Variants in ATF6 observed in about 807,000 individuals in gnomAD.
The protein encoded by ATF6 is cyclic AMP-dependent transcription factor ATF-6 alpha.
ATF6 carries 53 observed loss-of-function variants against 83.6 expected under a neutral mutation model. That is an observed-to-expected ratio of 0.63 (90% CI 0.51 to 0.80). The LOEUF is 0.80. Ranked by LOEUF, ATF6 falls within the 30% of genes least tolerant of loss-of-function variation. ATF6 has a pLI of 0.00. For synonymous variants in ATF6, 288 were observed against 285.8 expected, an observed-to-expected ratio of 1.01 and a Z score of -0.08; for missense variants, 744 against 797.9, an observed-to-expected ratio of 0.93 and a Z score of 0.81.
At chr1:161,859,152 A>G (rs1686826404) in intron 12 of ATF6, among the ~76,000 whole-genome samples, 1 of 152,114 alleles carries the variant, frequency 6.6e-6, no homozygotes, top group Non-Finnish European at 1.5e-5. Flanking sequence ...TAAACAGAGC[A>G]TTTATTGAAC....
intron 15 of ATF6, among the ~76,000 whole-genome samples, chr1:161,917,013 C>A (rs1688114216): frequency 6.6e-6 from 1 of 152,198 alleles, no homozygotes; most frequent in African/African-American, 2.4e-5. Context: ...GTCAGCTTAT[C>A]CAGCTTCTCC....
At chr1:161,875,739 G>A (rs1298809160) in intron 14 of ATF6, among the ~76,000 whole-genome samples, 1 of 151,738 alleles carries the variant, frequency 6.6e-6, no homozygotes, top group Non-Finnish European at 1.5e-5. Context: ...GAAGAAAGTA[G>A]CTAGTGCAGC....
intron 15 of ATF6, among the ~76,000 whole-genome samples, chr1:161,921,982 T>C (rs913445742): frequency 4.5e-5 from 5 of 110,646 alleles, no homozygotes; most frequent in African/African-American, 1.4e-4. Context: ...CCCTCTTTCT[T>C]TGCTTGTTTT....
At chr1:161,806,834 C>T (rs910784286) in intron 7 of ATF6, among the ~76,000 whole-genome samples, 5 of 152,134 alleles carry the variant, frequency 3.3e-5, no homozygotes, top group Non-Finnish European at 5.9e-5. Flanking sequence ...ATTCTCCTGT[C>T]ATACCAAATT....
At chr1:161,873,782 G>C (rs1687160597) in intron 14 of ATF6, among the ~76,000 whole-genome samples, 5 of 151,450 alleles carry the variant, frequency 3.3e-5, no homozygotes, top group African/African-American at 9.7e-5. Flanking sequence ...TGTTTCCCCT[G>C]CTAGGAAGTA....
intron 14 of ATF6, among the ~76,000 whole-genome samples, chr1:161,868,354 C>T (rs954710718): frequency 1.3e-5 from 2 of 152,150 alleles, no homozygotes; most frequent in African/African-American, 2.4e-5. Flanking sequence ...CTGGGAGCTT[C>T]ATAAACTACT....
chr1:161,894,521 C>CTTTTTTTTTTTTTTTTTTTTTTTTT (rs71093131), intron 14 of ATF6, among the ~76,000 whole-genome samples: 1 of 44,850 alleles, frequency 2.2e-5, no homozygotes, highest in African/African-American at 6.6e-5. Flanking sequence ...GTTTTGTAGT[C>CTTTTTTTTTTTTTTTTTTTTTTTTT]TTTTTTTTTT....
chr1:161,958,665 C>T lies in ATF6; in HGVS notation c.*11C>T, dbSNP rs1220902717. On this transcript the variant is annotated 3_prime_UTR_variant, in exon 16 of 16. Coordinates refer to ENST00000367942, the MANE Select transcript of ATF6 (RefSeq NM_007348.4). ...GAGTCATTACAATAGCACCCTGCAG[C>T]TATGCTGGAAAACTGAGCGTGGGAC... 8.8e-6 allele frequency: 14 copies of T among 1,596,986 alleles called. No individual in the cohort carries two copies. The highest frequency in any genetic ancestry group is 1.1e-5 in the Non-Finnish European group (13 of 1,170,972).
rs146640460 is a variant in ATF6, at chr1:161,819,672, C to G, written c.949C>G (p.Arg317Gly). ...GAGACAGCAACGTATGATAAAAAAT[C>G]GAGAATCCGCTTGTCAGTCTCGCAA... ...LRRQQRMIKN[R>G]ESACQSRKKK... Residue 317 changes from arginine (R) to glycine (G), a missense_variant, in exon 8 of 16, where the codon CGA becomes GGA. Physicochemically the swap from Arg to Gly is moderately radical, Grantham distance 125. Transcript: ENST00000367942. 1 of 1,608,972 alleles carries G rather than the reference C, an allele frequency of 6.2e-7. No homozygotes were observed. The highest frequency in any genetic ancestry group is 8.5e-7 in the Non-Finnish European group (1 of 1,177,844).
At chr1:161,858,062 ACAT>A (rs1686801716) in intron 12 of ATF6, among the ~76,000 whole-genome samples, 1 of 152,172 alleles carries the variant, frequency 6.6e-6, no homozygotes, top group Admixed American at 6.6e-5. Context: ...AGCTGTGATC[ACAT>A]CATTGCTCTC....
chr1:161,810,877 T>C, intron 7 of ATF6, among the ~76,000 whole-genome samples: 1 of 152,230 alleles, frequency 6.6e-6, no homozygotes, highest in Middle Eastern at 3.2e-3. Context: ...CTTTTGTGTA[T>C]GGCGTCTTTC....
At chr1:161,801,971 C>A in intron 6 of ATF6, 81 bp from the exon 7 acceptor site, 1 of 1,328,188 alleles carries the variant, frequency 7.5e-7, no homozygotes, top group Non-Finnish European at 1.1e-6. Flanking sequence ...ATTACGTCTG[C>A]AGAAAAGACC....
chr1:161,792,984 G>T (rs1284063991), intron 6 of ATF6, among the ~76,000 whole-genome samples: 1 of 152,110 alleles, frequency 6.6e-6, no homozygotes, highest in African/African-American at 2.4e-5. Context: ...AGTCATCATT[G>T]TACTCATACT....
chr1:161,953,329 C>T (rs1295366710), intron 15 of ATF6, among the ~76,000 whole-genome samples: 1 of 152,144 alleles, frequency 6.6e-6, no homozygotes, highest in Non-Finnish European at 1.5e-5. Flanking sequence ...GACCCCTGCT[C>T]ACTAAATTTT....
rs758162509 is a variant in ATF6 at position 161,766,370 on chromosome 1, C to T, written c.10C>T (p.Pro4Ser). 1.2e-6 allele frequency: 2 copies of T among 1,612,416 alleles called. No individual in the cohort carries two copies. The highest frequency in any genetic ancestry group is 1.1e-5 in the South Asian group (1 of 90,718). Reference sequence around the variant, plus strand: ...AGAAGGAACTTGTGAAATGGGGGAGCCGGCTGGGGTTGCCGGCACCATGGA... The same window carrying T: ...AGAAGGAACTTGTGAAATGGGGGAGTCGGCTGGGGTTGCCGGCACCATGGA... The part of the protein sequence containing the change: MGE[P>S]AGVAGTMESP... Residue 4 changes from proline to serine, a missense_variant, in exon 1 of 16, where the codon CCG (proline) becomes TCG (serine). By Grantham distance (74) the Pro-to-Ser change is moderately conservative. Coordinates refer to ENST00000367942, the MANE Select transcript of ATF6 (RefSeq NM_007348.4).
chr1:161,864,343 G>A (rs1046177841), intron 14 of ATF6, among the ~76,000 whole-genome samples: 3 of 152,190 alleles, frequency 2.0e-5, no homozygotes, highest in Non-Finnish European at 4.4e-5. Context: ...AGATTCCACA[G>A]AGCTAACTGT....
intron 14 of ATF6, among the ~76,000 whole-genome samples, chr1:161,910,321 C>CT (rs1164858922): frequency 1.3e-5 from 2 of 152,166 alleles, no homozygotes; most frequent in South Asian, 2.1e-4. Context: ...TACTTAAAAA[C>CT]TGTTACCCCA....
intron 9 of ATF6, among the ~76,000 whole-genome samples, chr1:161,827,491 G>T (rs1245318892): frequency 1.3e-5 from 2 of 152,082 alleles, no homozygotes; most frequent in Non-Finnish European, 2.9e-5. Context: ...AAGTTTGTCA[G>T]ACAAATAGAC....
At chr1:161,954,370 G>A (rs931801818) in intron 15 of ATF6, among the ~76,000 whole-genome samples, 3 of 152,118 alleles carry the variant, frequency 2.0e-5, no homozygotes, top group Admixed American at 6.5e-5. Flanking sequence ...GGGGATTCAG[G>A]CACATATACA....
Sources: gnomAD v4.1 joint callset for allele counts (sites outside exome capture counted in the v4.1 genomes callset) on GRCh38, gnomAD v4.1.1 for gene constraint, MANE v1.5 for transcripts, NCBI Gene and HGNC (gene_info 2026-07-23, HGNC 2026-07-21) for gene names.